SEMA3C: variants seen among roughly 807,000 people sequenced by gnomAD.
The protein encoded by SEMA3C is semaphorin 3C.
A neutral mutation model predicts 89.4 loss-of-function variants in SEMA3C; 47 were observed. That is an observed-to-expected ratio of 0.53 (90% CI 0.42 to 0.67). The LOEUF is 0.67. SEMA3C is among the 30% of genes least tolerant of loss of function. The probability of loss-of-function intolerance (pLI) is 0.00; values close to 1 mark genes in which losing one functional copy is unlikely to be tolerated. For missense variants in SEMA3C, 839 were observed against 929.1 expected, an observed-to-expected ratio of 0.90 and a Z score of 1.26; for synonymous variants, 310 against 320.2, an observed-to-expected ratio of 0.97 and a Z score of 0.34.
intron 2 of SEMA3C, among the ~76,000 whole-genome samples, chr7:80,895,093 C>A (rs985091920): frequency 6.6e-6 from 1 of 152,196 alleles, no homozygotes; most frequent in African/African-American, 2.4e-5. Context: ...CCCACACACA[C>A]GTGAGCATGC....
At chr7:80,853,806 C>T (rs935621873) in intron 2 of SEMA3C, among the ~76,000 whole-genome samples, 1 of 152,050 alleles carries the variant, frequency 6.6e-6, no homozygotes, top group African/African-American at 2.4e-5. Flanking sequence ...AGGATTAATC[C>T]TTGAGACAAT....
chr7:80,895,833 A>C (rs1791721753), intron 2 of SEMA3C, among the ~76,000 whole-genome samples: 1 of 152,158 alleles, frequency 6.6e-6, no homozygotes, highest in African/African-American at 2.4e-5. Context: ...GGGCTGTCTA[A>C]AGCAAAATTT....
chr7:80,812,476 C>CA (rs201560805), intron 5 of SEMA3C, among the ~76,000 whole-genome samples: 11 of 151,900 alleles, frequency 7.2e-5, no homozygotes, highest in East Asian at 1.9e-4. Flanking sequence ...AAACAAACAA[C>CA]AAAAAAAATA....
intron 12 of SEMA3C, among the ~76,000 whole-genome samples, chr7:80,778,011 G>A (rs558935707): frequency 6.6e-6 from 1 of 152,010 alleles, no homozygotes; most frequent in Non-Finnish European, 1.5e-5. Flanking sequence ...GTGTCAAAAA[G>A]TGTTTAATAA....
At chr7:80,792,689 C>CT (rs1157571688) in intron 11 of SEMA3C, among the ~76,000 whole-genome samples, 1 of 152,126 alleles carries the variant, frequency 6.6e-6, no homozygotes, top group Admixed American at 6.6e-5. Flanking sequence ...CTCCACAAGA[C>CT]TTTTTTTAAT....
chr7:80,779,540 T>C (rs1359741105), intron 12 of SEMA3C, among the ~76,000 whole-genome samples: 1 of 152,210 alleles, frequency 6.6e-6, no homozygotes, highest in Admixed American at 6.5e-5. Context: ...CCTGTCTTAA[T>C]TTATAGGCTC....
Position 80,802,924 on chromosome 7 carries a change from G to C in SEMA3C, c.802-145C>G, listed in dbSNP as rs1789243990. 7.2e-5 allele frequency: 38 copies of C among 530,270 alleles called. No homozygotes were observed. The South Asian group carries it at 1.0e-3, about 14-fold the overall frequency. 32.8% of individuals were successfully genotyped at this position (530,270 alleles called of 1,614,324 possible). On this transcript the variant is annotated intron_variant, in intron 8 of 17. Transcript: ENST00000265361. ...ACTTCTGCACATCAGTTGTCAAAGAGGAATATTTATGACTTATAGTATTTT... is the reference window on the plus strand; with the variant it reads ...ACTTCTGCACATCAGTTGTCAAAGACGAATATTTATGACTTATAGTATTTT...
chr7:80,808,347 C>A (rs1195559603), intron 6 of SEMA3C, among the ~76,000 whole-genome samples: 1 of 152,158 alleles, frequency 6.6e-6, no homozygotes, highest in Non-Finnish European at 1.5e-5. Context: ...CACATGGTTT[C>A]TGAAGGTGAA....
At chr7:80,874,544 A>G (rs1299159427) in intron 2 of SEMA3C, among the ~76,000 whole-genome samples, 1 of 151,556 alleles carries the variant, frequency 6.6e-6, no homozygotes, top group African/African-American at 2.4e-5. Flanking sequence ...TTGGCTCACT[A>G]CAACCTCCGC....
intron 9 of SEMA3C, among the ~76,000 whole-genome samples, chr7:80,802,409 C>T (rs1197531135): frequency 3.3e-5 from 5 of 151,982 alleles, no homozygotes; most frequent in Admixed American, 6.6e-5. Context: ...ATACAAGTTA[C>T]ACCCCCAAAC....
At chr7:80,749,825 T>C (rs897929452) in intron 16 of SEMA3C, among the ~76,000 whole-genome samples, 2 of 152,032 alleles carry the variant, frequency 1.3e-5, no homozygotes, top group African/African-American at 4.8e-5. Flanking sequence ...TTGAGTGAAA[T>C]AATCATAAAA....
At chr7:80,885,373 T>C (rs1225493135) in intron 2 of SEMA3C, among the ~76,000 whole-genome samples, 1 of 152,140 alleles carries the variant, frequency 6.6e-6, no homozygotes, top group African/African-American at 2.4e-5. Context: ...TCCTAGCACT[T>C]TGGGAGGCTG....
intron 2 of SEMA3C, among the ~76,000 whole-genome samples, chr7:80,859,468 CA>C (rs1790720634): frequency 6.6e-6 from 1 of 152,150 alleles, no homozygotes; most frequent in Non-Finnish European, 1.5e-5. Flanking sequence ...TACCAAGTGT[CA>C]GGTGATCCAG....
chr7:80,744,353 A>T lies in SEMA3C; in HGVS notation c.*541T>A, dbSNP rs1421391347. On this transcript the variant is annotated 3_prime_UTR_variant, in exon 18 of 18. Transcript: ENST00000265361. ...AACCCCAACATATTTCATTGGAACC[A>T]TAAAAACTCATCATTTTCTCTTTAT... 1 of 153,066 alleles carries T rather than the reference A, an allele frequency of 6.5e-6. No individual in the cohort carries two copies. Among genetic ancestry groups the T allele is most frequent in the Non-Finnish European group, 1.5e-5 (1 of 68,762 alleles). The allele number at this position is 153,066 out of a possible 1,614,324, so 9.5% of individuals were successfully genotyped here.
chr7:80,755,661 C>A (rs1053297292), intron 15 of SEMA3C, among the ~76,000 whole-genome samples: 1 of 151,814 alleles, frequency 6.6e-6, no homozygotes, highest in Admixed American at 6.6e-5. Context: ...GTTAGAGAGG[C>A]AAATTTTTAG....
intron 4 of SEMA3C, among the ~76,000 whole-genome samples, chr7:80,826,457 ATG>A (rs1316205288): frequency 2.0e-5 from 3 of 152,158 alleles, no homozygotes; most frequent in Non-Finnish European, 4.4e-5. Flanking sequence ...TTGTATATCT[ATG>A]CTCATTTGAT....
Position 80,804,141 on chromosome 7 carries a change from T to C in SEMA3C, c.766A>G (p.Lys256Glu). Residue 256 changes from lysine to glutamate, a missense_variant, in exon 8 of 18, where the codon AAA (lysine) becomes GAA (glutamate). Lys to Glu is a moderately conservative substitution (Grantham distance 56). Transcript: ENST00000265361. The part of the protein sequence containing the change: ...EKLTDNNRST[K>E]QIHSMIARIC... ...CGAGCAATCATGGAATGAATCTGTT[T>C]CGTGCTCCTGTTATTGTCAGTCAGT... 1.2e-6 allele frequency: 2 copies of C among 1,612,932 alleles called. No homozygotes were observed. The highest frequency in any genetic ancestry group is 1.7e-6 in the Non-Finnish European group (2 of 1,179,220).
At chr7:80,787,521 G>A (rs544317838) in intron 12 of SEMA3C, among the ~76,000 whole-genome samples, 12 of 151,904 alleles carry the variant, frequency 7.9e-5, no homozygotes, top group African/African-American at 2.9e-4. Context: ...TCTGACACAT[G>A]ACTGAAGCAA....
At chr7:80,753,195 G>C (rs575479418) in intron 15 of SEMA3C, among the ~76,000 whole-genome samples, 1 of 152,254 alleles carries the variant, frequency 6.6e-6, no homozygotes, top group South Asian at 2.1e-4. Flanking sequence ...CGAAAACAGT[G>C]AAAGTGTTAG....
Sources: allele counts gnomAD v4.1 joint callset (sites outside exome capture counted in the v4.1 genomes callset), GRCh38; gene constraint gnomAD v4.1.1; transcripts MANE v1.5; gene names NCBI Gene and HGNC (gene_info 2026-07-23, HGNC 2026-07-21).